The following MSN variants were observed in gnomAD, a reference collection of about 807,000 sequenced individuals.
The protein encoded by MSN is epididymis luminal protein 70.
Under a neutral mutation model 48.0 loss-of-function variants are expected in MSN, and 2 were observed. The observed-to-expected ratio is 0.04, with a 90% CI of 0.02 to 0.13. The LOEUF (loss-of-function observed/expected upper bound fraction) is 0.13. Ranked by LOEUF, MSN falls within the 10% of genes least tolerant of loss-of-function variation. MSN has a pLI of 1.00. For missense variants in MSN, 267 were observed against 470.1 expected, an observed-to-expected ratio of 0.57 and a Z score of 3.99; for synonymous variants, 146 against 166.9, an observed-to-expected ratio of 0.87 and a Z score of 0.97.
chrX:65,722,382 T>C (rs1188555010), intron 2 of MSN, among the ~76,000 whole-genome samples: 1 of 106,490 alleles, frequency 9.4e-6, no homozygotes, highest in Non-Finnish European at 1.9e-5. Context: ...TACTCCCTCA[T>C]TCTCCTCTAG....
intron 1 of MSN, among the ~76,000 whole-genome samples, chrX:65,679,697 G>A (rs1263137237): frequency 2.7e-5 from 3 of 112,153 alleles, no homozygotes; most frequent in Admixed American, 9.5e-5. Context: ...CCTCCTTTTC[G>A]TCCTTCTCAC....
chrX:65,633,644 C>T (rs1345336980), intron 1 of MSN, among the ~76,000 whole-genome samples: 3 of 111,982 alleles, frequency 2.7e-5, no homozygotes, highest in Non-Finnish European at 3.8e-5. Flanking sequence ...CGGACTGGTC[C>T]GCTGTAAACT....
At chrX:65,683,390 G>GCCGCCA (rs2071076685) in intron 1 of MSN, among the ~76,000 whole-genome samples, 1 of 92,417 alleles carries the variant, frequency 1.1e-5, no homozygotes, top group Non-Finnish European at 2.0e-5. Flanking sequence ...TGTTGCCGCC[G>GCCGCCA]CCGCCACCAC....
chrX:65,667,428 C>T (rs2070882536), upstream of MSN, among the ~76,000 whole-genome samples: 1 of 102,527 alleles, frequency 9.8e-6, no homozygotes, highest in African/African-American at 3.6e-5. Flanking sequence ...GGGCTGTGAC[C>T]AGGGTGGGAG....
intron 1 of MSN, among the ~76,000 whole-genome samples, chrX:65,615,660 G>T (rs1172700006): frequency 9.5e-6 from 1 of 105,162 alleles, no homozygotes; most frequent in East Asian, 2.9e-4. Flanking sequence ...TAGGTTGCCT[G>T]TTCACTCTGA....
chrX:65,618,834 A>T (rs2070402810), intron 1 of MSN, among the ~76,000 whole-genome samples: 1 of 111,635 alleles, frequency 9.0e-6, no homozygotes, highest in South Asian at 3.7e-4. Flanking sequence ...ATGATTTTGC[A>T]GTGGCTGGTA....
At chrX:65,654,548 T>G in intron 1 of MSN, among the ~76,000 whole-genome samples, 1 of 111,305 alleles carries the variant, frequency 9.0e-6, no homozygotes, top group Middle Eastern at 4.6e-3. Context: ...TTACCTAAAG[T>G]TGCTGAACTA....
At chrX:65,654,771 G>A (rs1226314251) in intron 1 of MSN, among the ~76,000 whole-genome samples, 1 of 111,529 alleles carries the variant, frequency 9.0e-6, no homozygotes, top group African/African-American at 3.3e-5. Context: ...TGCTCTCATG[G>A]AGGTCTTAGT....
At chrX:65,619,929 G>C (rs6524997) in intron 1 of MSN, among the ~76,000 whole-genome samples, 13,388 of 109,941 alleles carry the variant, frequency 0.12, 2,240 homozygotes, top group African/African-American at 0.43. Flanking sequence ...TTTTAACAGA[G>C]AGGACCCTCA....
At chrX:65,663,078 T>G (rs2070836557), upstream of MSN, among the ~76,000 whole-genome samples, 1 of 111,194 alleles carries the variant, frequency 9.0e-6, no homozygotes, top group Non-Finnish European at 1.9e-5. Context: ...AACAACATGC[T>G]GAAACCCTGT....
chrX:65,711,506 A>G (rs983671745), intron 1 of MSN, among the ~76,000 whole-genome samples: 1 of 112,597 alleles, frequency 8.9e-6, no homozygotes, highest in African/African-American at 3.2e-5. Flanking sequence ...CCTAACATAC[A>G]TATTTTTATA....
At chrX:65,645,010 C>T (rs1569457592) in intron 1 of MSN, among the ~76,000 whole-genome samples, 2 of 112,507 alleles carry the variant, frequency 1.8e-5, no homozygotes, top group Non-Finnish European at 3.8e-5. Context: ...ACAGAGCTAA[C>T]AATCACTCTT....
chrX:65,618,646 C>T (rs1301575075), intron 1 of MSN, among the ~76,000 whole-genome samples: 1 of 111,138 alleles, frequency 9.0e-6, no homozygotes. Context: ...ACTGTTGGGT[C>T]TTGACTCTTT....
At chrX:65,619,956 AGTACCCGGCC>A (rs1392664202) in intron 1 of MSN, among the ~76,000 whole-genome samples, 2 of 110,579 alleles carry the variant, frequency 1.8e-5, no homozygotes, top group African/African-American at 6.7e-5. Context: ...GGTCTGTTGG[AGTACCCGGCC>A]GTGTGAGGTG....
chrX:65,616,138 G>A (rs1481858274), intron 1 of MSN, among the ~76,000 whole-genome samples: 1 of 111,705 alleles, frequency 9.0e-6, no homozygotes, highest in Non-Finnish European at 1.9e-5. Flanking sequence ...GTCAGGTAGT[G>A]TGATGCCTCT....
chrX:65,598,784 G>A (rs1485109902), intron 1 of MSN, among the ~76,000 whole-genome samples: 1 of 112,093 alleles, frequency 8.9e-6, no homozygotes, highest in African/African-American at 3.2e-5. Flanking sequence ...ATTGTCTGCT[G>A]CAGAAGAGGC....
chrX:65,659,329 A>G (rs1220801919), intron 1 of MSN, among the ~76,000 whole-genome samples: 5 of 109,902 alleles, frequency 4.5e-5, no homozygotes, highest in African/African-American at 1.7e-4. Context: ...AATTTTTTGT[A>G]TTTTTAGTAG....
At chrX:65,599,620 G>A (rs1204568655) in intron 1 of MSN, among the ~76,000 whole-genome samples, 1 of 112,582 alleles carries the variant, frequency 8.9e-6, no homozygotes, top group African/African-American at 3.2e-5. Context: ...GTGACAGAGC[G>A]AGACTCCATC....
chrX:65,696,747 T>C (rs945227183), intron 1 of MSN, among the ~76,000 whole-genome samples: 4 of 111,365 alleles, frequency 3.6e-5, no homozygotes, highest in African/African-American at 1.3e-4. Context: ...TCTCAGTAAA[T>C]TGTTAGCTGA....
Sources: allele counts gnomAD v4.1 joint callset (sites outside exome capture counted in the v4.1 genomes callset), GRCh38; gene constraint gnomAD v4.1.1; transcripts MANE v1.5; gene names NCBI Gene and HGNC (gene_info 2026-07-23, HGNC 2026-07-21).